HS3ST4: variants seen among roughly 807,000 people sequenced by gnomAD.
The protein encoded by HS3ST4 is heparan sulfate glucosamine 3-O-sulfotransferase 4.
In HS3ST4, 17 loss-of-function variants were observed where a neutral mutation model predicts 29.2. The ratio of observed to expected loss-of-function variants is 0.58; its 90% CI spans 0.40 to 0.87. The LOEUF (loss-of-function observed/expected upper bound fraction) is 0.87, where lower values mean the gene tolerates loss of function less well. Among genes scored for constraint, HS3ST4 ranks in the 40% least tolerant of loss-of-function variants. The probability of loss-of-function intolerance (pLI) is 0.00; values close to 1 mark genes in which losing one functional copy is unlikely to be tolerated. For synonymous variants in HS3ST4, 314 were observed against 285.7 expected, an observed-to-expected ratio of 1.10 and a Z score of -1.00; for missense variants, 627 against 634.5, an observed-to-expected ratio of 0.99 and a Z score of 0.13.
intron 1 of HS3ST4, among the ~76,000 whole-genome samples, chr16:25,724,267 T>C (rs760203502): frequency 1.2e-4 from 18 of 152,162 alleles, no homozygotes; most frequent in Non-Finnish European, 1.9e-4. Context: ...TCTTGTTCAA[T>C]GCTGAGCAAT....
At chr16:26,126,503 G>A (rs146697426) in intron 1 of HS3ST4, among the ~76,000 whole-genome samples, 31 of 152,216 alleles carry the variant, frequency 2.0e-4, no homozygotes, top group African/African-American at 7.2e-4. Flanking sequence ...CCCATTTTAC[G>A]TATGGGAAAA....
Position 26,135,687 on chromosome 16 carries a change from T to C in HS3ST4, c.810T>C (p.Ala270=). 6.2e-7 allele frequency: 1 copy of C among 1,613,886 alleles called. No homozygotes were observed. Among genetic ancestry groups the C allele is most frequent in the Non-Finnish European group, 8.5e-7 (1 of 1,179,862 alleles). Residue 270 remains alanine (A), a synonymous_variant, in exon 2 of 2, where the codon GCT becomes GCC. Coordinates refer to ENST00000331351, the MANE Select transcript of HS3ST4 (RefSeq NM_006040.3). ...CAAGTTACTTTGTGACAAATGAGGC[T>C]CCCAAGCGCATTCACTCCATGGCCA... ...KTPSYFVTNE[A]PKRIHSMAKD...
intron 1 of HS3ST4, among the ~76,000 whole-genome samples, chr16:25,987,194 T>C (rs935376172): frequency 1.3e-5 from 2 of 151,994 alleles, no homozygotes; most frequent in African/African-American, 4.8e-5. Flanking sequence ...CTACTAAAAA[T>C]ACAAAATTAG....
At chr16:26,089,959 C>T (rs1223139429) in intron 1 of HS3ST4, among the ~76,000 whole-genome samples, 1 of 152,138 alleles carries the variant, frequency 6.6e-6, no homozygotes, top group East Asian at 1.9e-4. Context: ...AACAGTTGAC[C>T]TGACACCAGG....
At chr16:25,839,396 T>C (rs1233232013) in intron 1 of HS3ST4, among the ~76,000 whole-genome samples, 1 of 152,222 alleles carries the variant, frequency 6.6e-6, no homozygotes, top group Non-Finnish European at 1.5e-5. Flanking sequence ...AAATCACCCA[T>C]TGGATCTTCC....
At chr16:25,959,397 A>C (rs1968771438) in intron 1 of HS3ST4, among the ~76,000 whole-genome samples, 1 of 152,244 alleles carries the variant, frequency 6.6e-6, no homozygotes, top group Non-Finnish European at 1.5e-5. Flanking sequence ...GAAGTGGGGC[A>C]GAGTGCAGCC....
At chr16:25,848,997 C>T (rs1176022343) in intron 1 of HS3ST4, among the ~76,000 whole-genome samples, 3 of 152,000 alleles carry the variant, frequency 2.0e-5, no homozygotes, top group Non-Finnish European at 2.9e-5. Flanking sequence ...GTTGTAATTT[C>T]GGTTTTGAAT....
rs115968185 is a variant in HS3ST4 at position 25,751,072 on chromosome 16, C to T, written c.734+57921C>T. Reference sequence around the variant, plus strand: ...CTGCCACTTGATGTGCTCATAGATACGTAAAGAATTGATGAGGAATGCTTA... The same window carrying T: ...CTGCCACTTGATGTGCTCATAGATATGTAAAGAATTGATGAGGAATGCTTA... On this transcript the variant is annotated intron_variant, in intron 1 of 1. Coordinates refer to ENST00000331351, the MANE Select transcript of HS3ST4 (RefSeq NM_006040.3). Among the ~76,000 whole-genome samples the T allele has an allele frequency of 4.3e-3, 653 of 152,210 alleles. 3 individuals carry two copies. Among genetic ancestry groups the T allele is most frequent in the African/African-American group, 0.014 (602 of 41,538 alleles).
At chr16:25,982,405 C>T (rs535180445) in intron 1 of HS3ST4, among the ~76,000 whole-genome samples, 33 of 152,284 alleles carry the variant, frequency 2.2e-4, no homozygotes, top group Admixed American at 7.2e-4. Context: ...AGGATCATCC[C>T]GACTCTTTTG....
At chr16:25,979,478 C>T (rs1341699772) in intron 1 of HS3ST4, among the ~76,000 whole-genome samples, 2 of 152,112 alleles carry the variant, frequency 1.3e-5, no homozygotes, top group African/African-American at 2.4e-5. Flanking sequence ...GAAGCATGAA[C>T]ACTATTGTGA....
At chr16:25,994,413 T>C (rs1401089008) in intron 1 of HS3ST4, among the ~76,000 whole-genome samples, 1 of 152,196 alleles carries the variant, frequency 6.6e-6, no homozygotes, top group Non-Finnish European at 1.5e-5. Context: ...CTTATTTATA[T>C]TGGCTACATT....
chr16:26,055,735 G>A (rs1028501540), intron 1 of HS3ST4, among the ~76,000 whole-genome samples: 18 of 152,152 alleles, frequency 1.2e-4, no homozygotes, highest in Non-Finnish European at 1.8e-4. Context: ...GCATATGGAA[G>A]CTCTATTTTC....
chr16:25,824,446 A>G (rs942560397), intron 1 of HS3ST4, among the ~76,000 whole-genome samples: 2 of 152,192 alleles, frequency 1.3e-5, no homozygotes, highest in Admixed American at 1.3e-4. Context: ...CCTCACAGTC[A>G]TGGCGGAAGG....
chr16:26,058,271 G>C (rs1161345091), intron 1 of HS3ST4, among the ~76,000 whole-genome samples: 1 of 152,186 alleles, frequency 6.6e-6, no homozygotes, highest in Non-Finnish European at 1.5e-5. Context: ...CAGTATCTGG[G>C]CATCAGCTCA....
intron 1 of HS3ST4, among the ~76,000 whole-genome samples, chr16:25,961,016 A>G (rs773953619): frequency 8.5e-5 from 13 of 152,178 alleles, no homozygotes; most frequent in Non-Finnish European, 1.9e-4. Flanking sequence ...ACCTCTTCTG[A>G]TAGTCCAAAG....
intron 1 of HS3ST4, among the ~76,000 whole-genome samples, chr16:26,014,784 A>T (rs759742710): frequency 1.3e-5 from 2 of 152,124 alleles, no homozygotes; most frequent in Non-Finnish European, 2.9e-5. Flanking sequence ...TTGCTATTGT[A>T]TCATCACCAT....
chr16:26,123,017 G>C (rs1464060443), intron 1 of HS3ST4, among the ~76,000 whole-genome samples: 2 of 151,048 alleles, frequency 1.3e-5, no homozygotes, highest in Non-Finnish European at 2.9e-5. Flanking sequence ...TCGCGCCACT[G>C]CACCCCAGCC....
chr16:26,024,786 A>G (rs1969450972), intron 1 of HS3ST4, among the ~76,000 whole-genome samples: 1 of 152,182 alleles, frequency 6.6e-6, no homozygotes, highest in Non-Finnish European at 1.5e-5. Context: ...ACTTTTAATG[A>G]TCTTTATCCT....
chr16:26,024,436 A>G (rs917307062), intron 1 of HS3ST4, among the ~76,000 whole-genome samples: 4 of 152,112 alleles, frequency 2.6e-5, no homozygotes, highest in East Asian at 1.9e-4. Context: ...ATTTGCTTTT[A>G]AAACAAGTCT....
Sources: gnomAD v4.1 joint callset for allele counts (sites outside exome capture counted in the v4.1 genomes callset) on GRCh38, gnomAD v4.1.1 for gene constraint, MANE v1.5 for transcripts, NCBI Gene and HGNC (gene_info 2026-07-23, HGNC 2026-07-21) for gene names.